LCORL: variants seen among roughly 807,000 people sequenced by gnomAD.
LCORL encodes the protein ligand dependent nuclear receptor corepressor like, also known as ligand-dependent nuclear receptor corepressor-like protein.
Under a neutral mutation model 141.8 loss-of-function variants are expected in LCORL, and 41 were observed. That is an observed-to-expected ratio of 0.29 (90% CI 0.23 to 0.38). LCORL has a LOEUF of 0.38. Among genes scored for constraint, LCORL ranks in the 10% least tolerant of loss-of-function variants. The probability of loss-of-function intolerance (pLI) is 1.00; values close to 1 mark genes in which losing one functional copy is unlikely to be tolerated. For missense variants in LCORL, 1,759 were observed against 2,035.0 expected (o/e 0.86, Z 2.61); for synonymous variants, 618 against 694.1 (o/e 0.89, Z 1.72).
intron 5 of LCORL, among the ~76,000 whole-genome samples, chr4:17,907,876 C>G (rs910647349): frequency 6.6e-6 from 1 of 152,166 alleles, no homozygotes; most frequent in African/African-American, 2.4e-5. Flanking sequence ...ATCTTATAAG[C>G]TATTATCTTA....
At chr4:17,939,857 G>T (rs1737540890) in intron 4 of LCORL, among the ~76,000 whole-genome samples, 1 of 141,572 alleles carries the variant, frequency 7.1e-6, no homozygotes, top group African/African-American at 2.9e-5. Flanking sequence ...AAATAAACCT[G>T]GGGAAAAGGA....
chr4:17,985,225 G>A (rs1247645220), intron 1 of LCORL, among the ~76,000 whole-genome samples: 1 of 152,092 alleles, frequency 6.6e-6, no homozygotes, highest in South Asian at 2.1e-4. Flanking sequence ...GCCATGTGGT[G>A]ATGAGAAGTA....
exon 8 of LCORL, chr4:17,844,206 A>G (rs1426677739): frequency 6.6e-6 from 1 of 152,310 alleles, no homozygotes; most frequent in Non-Finnish European, 1.5e-5. Flanking sequence ...TACGCTACCA[A>G]TTTATGAGCA....
At chr4:17,906,289 T>C (rs545784290) in intron 5 of LCORL, among the ~76,000 whole-genome samples, 5 of 152,330 alleles carry the variant, frequency 3.3e-5, no homozygotes, top group African/African-American at 9.6e-5. Context: ...AAATCTGATC[T>C]TGTTACTTTC....
chr4:17,881,046 A>ATC (rs1727498366), intron 6 of LCORL: 1 of 980,190 alleles, frequency 1.0e-6, no homozygotes, highest in African/African-American at 1.8e-5. Flanking sequence ...CAGTCTCACT[A>ATC]AAGTTAGTAT....
At chr4:17,906,124 A>G (rs1246514916) in intron 5 of LCORL, among the ~76,000 whole-genome samples, 2 of 152,204 alleles carry the variant, frequency 1.3e-5, no homozygotes, top group African/African-American at 4.8e-5. Context: ...AAAGACTGGT[A>G]CACATACTGT....
At chr4:17,901,117 G>A (rs776415306) in intron 5 of LCORL, among the ~76,000 whole-genome samples, 3 of 151,516 alleles carry the variant, frequency 2.0e-5, no homozygotes, top group Admixed American at 6.6e-5. Flanking sequence ...CATTATTCTA[G>A]TTTCATGTTT....
At chr4:18,013,838 T>G (rs776781332) in intron 1 of LCORL, among the ~76,000 whole-genome samples, 14 of 151,742 alleles carry the variant, frequency 9.2e-5, no homozygotes, top group Admixed American at 4.6e-4. Flanking sequence ...TTTCGGAGTC[T>G]TGGTCTGTCA....
At chr4:17,940,674 T>C (rs1737807551) in intron 4 of LCORL, among the ~76,000 whole-genome samples, 1 of 151,920 alleles carries the variant, frequency 6.6e-6, no homozygotes, top group African/African-American at 2.4e-5. Flanking sequence ...CTAATACCAC[T>C]GTTGTTTGTT....
chr4:17,851,178 AAATGACG>A (rs1308598431), intron 7 of LCORL, among the ~76,000 whole-genome samples: 11 of 150,860 alleles, frequency 7.3e-5, no homozygotes, highest in Non-Finnish European at 1.6e-4. Context: ...ACCTAATGCT[AAATGACG>A]AGTTAATGGG....
At chr4:17,992,614 C>T (rs965948781) in intron 1 of LCORL, among the ~76,000 whole-genome samples, 2 of 152,150 alleles carry the variant, frequency 1.3e-5, no homozygotes, top group African/African-American at 4.8e-5. Context: ...TTCAATTCTA[C>T]ATTATAAAAT....
intron 6 of LCORL, chr4:17,881,573 G>A: frequency 2.0e-6 from 2 of 975,898 alleles, no homozygotes; most frequent in South Asian, 4.7e-5. Context: ...TTACTGTGAA[G>A]TCAATAGCAA....
intron 5 of LCORL, among the ~76,000 whole-genome samples, chr4:17,901,137 TA>T (rs1730800838): frequency 1.3e-5 from 2 of 151,962 alleles, no homozygotes; most frequent in South Asian, 4.1e-4. Flanking sequence ...TAATCTGAAT[TA>T]AATATATTCT....
At chr4:17,926,530 C>T (rs770750817) in intron 4 of LCORL, among the ~76,000 whole-genome samples, 9 of 152,202 alleles carry the variant, frequency 5.9e-5, no homozygotes, top group African/African-American at 7.2e-5. Context: ...ACAGACTGAA[C>T]GCAGCACTGG....
At chr4:17,925,878 CAAAAAAAAAAAAAA>C (rs71167343) in intron 4 of LCORL, among the ~76,000 whole-genome samples, 31 of 96,612 alleles carry the variant, frequency 3.2e-4, no homozygotes, top group Admixed American at 2.2e-4. Flanking sequence ...GATTCCATCT[CAAAAAAAAAAAAAA>C]AAAAAAAAAA....
At chr4:17,878,499 T>C (rs1218709315) in intron 6 of LCORL, among the ~76,000 whole-genome samples, 1 of 151,438 alleles carries the variant, frequency 6.6e-6, no homozygotes, top group Admixed American at 6.6e-5. Context: ...TTTTAATGTA[T>C]TAAGAATATT....
At chr4:17,943,692 A>G (rs1048483122) in intron 4 of LCORL, among the ~76,000 whole-genome samples, 2 of 152,214 alleles carry the variant, frequency 1.3e-5, no homozygotes, top group Non-Finnish European at 2.9e-5. Context: ...TTTTTATTCT[A>G]CAGATTTGAT....
chr4:17,977,476 A>G (rs951843222), intron 1 of LCORL, among the ~76,000 whole-genome samples: 1 of 152,192 alleles, frequency 6.6e-6, no homozygotes, highest in African/African-American at 2.4e-5. Context: ...TGATTTGTAG[A>G]AAACATTCTA....
intron 1 of LCORL, among the ~76,000 whole-genome samples, chr4:18,018,485 A>T (rs960042974): frequency 6.6e-6 from 1 of 152,194 alleles, no homozygotes; most frequent in African/African-American, 2.4e-5. Flanking sequence ...AATGAACCAG[A>T]ACAGTAGTTA....
Sources: gnomAD v4.1 joint callset for allele counts (sites outside exome capture counted in the v4.1 genomes callset) on GRCh38, gnomAD v4.1.1 for gene constraint, MANE v1.5 for transcripts, NCBI Gene and HGNC (gene_info 2026-07-23, HGNC 2026-07-21) for gene names.